Variants in NEO1 observed in about 807,000 individuals in gnomAD.
NEO1 encodes the protein neogenin.
NEO1 carries 63 observed loss-of-function variants against 159.7 expected under a neutral mutation model. The ratio of observed to expected loss-of-function variants is 0.39; its 90% CI spans 0.32 to 0.49. NEO1 has a LOEUF of 0.49. Ranked by LOEUF, NEO1 falls within the 20% of genes least tolerant of loss-of-function variation. NEO1 has a pLI of 0.85. For synonymous variants in NEO1, 633 were observed against 662.0 expected (o/e 0.96, Z 0.67); for missense variants, 1,615 against 1,831.0 (o/e 0.88, Z 2.15).
At chr15:73,177,909 T>C (rs1452205301) in intron 6 of NEO1, among the ~76,000 whole-genome samples, 1 of 152,180 alleles carries the variant, frequency 6.6e-6, no homozygotes, top group Non-Finnish European at 1.5e-5. Context: ...TTCATTTAAT[T>C]TATTGTAGTC....
chr15:73,197,300 A>G (rs2036581623), intron 7 of NEO1, among the ~76,000 whole-genome samples: 1 of 152,168 alleles, frequency 6.6e-6, no homozygotes. Context: ...TGGAGTTTGC[A>G]GTGAGCTGAG....
intron 5 of NEO1, among the ~76,000 whole-genome samples, chr15:73,149,039 A>G (rs1354976510): frequency 1.3e-5 from 2 of 151,992 alleles, no homozygotes; most frequent in Admixed American, 1.3e-4. Context: ...AGTTTTGTCC[A>G]GGGGCCGTAG....
chr15:73,100,191 TA>T lies in NEO1; in HGVS notation c.131-16345del, dbSNP rs369007098. Among the ~76,000 whole-genome samples the T allele has an allele frequency of 1.4e-4, 21 of 152,288 alleles. No individual in the cohort carries two copies. The East Asian group carries it at 2.3e-3, about 17-fold the overall frequency. ...TCGCTTTGTCATCACTCAGGAGCGC[TA>T]AAATATTAAAATAATACCCCAGTCT... On this transcript the variant is annotated intron_variant, in intron 1 of 28. Transcript: ENST00000261908.
chr15:73,068,547 T>G (rs2068355432), intron 1 of NEO1, among the ~76,000 whole-genome samples: 1 of 152,130 alleles, frequency 6.6e-6, no homozygotes, highest in African/African-American at 2.4e-5. Context: ...TCAACATGAG[T>G]GCTGAACCAG....
intron 23 of NEO1, 60 bp from the exon 24 acceptor site, chr15:73,288,253 T>G (rs1466443270): frequency 6.6e-7 from 1 of 1,522,630 alleles, no homozygotes; most frequent in Non-Finnish European, 9.0e-7. Flanking sequence ...CACTCAAGCC[T>G]TTTGACAAAT....
At chr15:73,173,960 C>A (rs946672051) in intron 5 of NEO1, among the ~76,000 whole-genome samples, 2 of 151,758 alleles carry the variant, frequency 1.3e-5, no homozygotes, top group African/African-American at 2.4e-5. Flanking sequence ...ATTAGCCGGA[C>A]GTGGTGGTGC....
chr15:73,293,011 A>G (rs2042215940), intron 25 of NEO1, among the ~76,000 whole-genome samples: 1 of 152,272 alleles, frequency 6.6e-6, no homozygotes, highest in Non-Finnish European at 1.5e-5. Flanking sequence ...ATTTTGTGAC[A>G]TATTCAAATA....
intron 1 of NEO1, among the ~76,000 whole-genome samples, chr15:73,090,631 A>G (rs749236756): frequency 2.0e-5 from 3 of 152,214 alleles, no homozygotes; most frequent in Non-Finnish European, 4.4e-5. Context: ...AATTCTTAAC[A>G]TAAAATTATA....
chr15:73,084,225 A>G (rs2069228650), intron 1 of NEO1, among the ~76,000 whole-genome samples: 1 of 152,106 alleles, frequency 6.6e-6, no homozygotes, highest in Non-Finnish European at 1.5e-5. Context: ...TAACTACACT[A>G]ACCTTATTGT....
chr15:73,262,899 C>T (rs1418889069), intron 15 of NEO1, among the ~76,000 whole-genome samples: 3 of 152,126 alleles, frequency 2.0e-5, no homozygotes. Flanking sequence ...CAAGACACAA[C>T]AGAAATTAAT....
At position 73,168,749 on chromosome 15, in the gene NEO1, C is replaced by CA. The variant is rs557303057; in HGVS notation, c.1016-7653dup. On this transcript the variant is annotated intron_variant, in intron 5 of 28. Coordinates refer to ENST00000261908, the MANE Select transcript of NEO1 (RefSeq NM_002499.4). ...AATGGGAAGCTTTCTCAAGAAATGTCAGAGGATTCAAATATATTCTTGCTT... is the reference window on the plus strand; with the variant it reads ...AATGGGAAGCTTTCTCAAGAAATGTCAAGAGGATTCAAATATATTCTTGCTT... 3.6e-3 allele frequency among the ~76,000 whole-genome samples: 553 copies of CA among 152,244 alleles called. 4 individuals are homozygous for CA. The highest frequency in any genetic ancestry group is 0.013 in the African/African-American group (524 of 41,532).
At chr15:73,179,085 A>G (rs535389554) in intron 7 of NEO1, among the ~76,000 whole-genome samples, 1 of 152,334 alleles carries the variant, frequency 6.6e-6, no homozygotes, top group East Asian at 1.9e-4. Context: ...TTCAGATAAC[A>G]ATGAAAAGTA....
chr15:73,068,231 C>CCCCCCCCCCCCCCCCCG (rs55919404), intron 1 of NEO1, among the ~76,000 whole-genome samples: 5 of 120,558 alleles, frequency 4.1e-5, no homozygotes, highest in Non-Finnish European at 7.0e-5. Context: ...CTACCCCCCC[C>CCCCCCCCCCCCCCCCCG]CCTTTTTTTT....
intron 1 of NEO1, among the ~76,000 whole-genome samples, chr15:73,109,265 G>A (rs554317781): frequency 3.9e-5 from 6 of 152,272 alleles, no homozygotes; most frequent in African/African-American, 1.4e-4. Flanking sequence ...TATTGAGGAC[G>A]TGTTATCTGC....
At chr15:73,116,408 G>T in intron 1 of NEO1, 132 bp from the exon 2 acceptor site, 1 of 679,250 alleles carries the variant, frequency 1.5e-6, no homozygotes, top group Non-Finnish European at 2.2e-6. Context: ...CATTTGTAGT[G>T]AGATGACTAT....
At chr15:73,059,177 A>G (rs1283084496) in intron 1 of NEO1, among the ~76,000 whole-genome samples, 3 of 152,176 alleles carry the variant, frequency 2.0e-5, no homozygotes, top group Non-Finnish European at 4.4e-5. Flanking sequence ...TAAATTGACC[A>G]GGTTACAGAG....
chr15:73,282,818 G>C, intron 22 of NEO1, 146 bp from the exon 23 acceptor site: 1 of 923,948 alleles, frequency 1.1e-6, no homozygotes, highest in Non-Finnish European at 1.6e-6. Flanking sequence ...AGAGAAGAGA[G>C]CCATGTTCAC....
intron 21 of NEO1, among the ~76,000 whole-genome samples, chr15:73,275,811 C>G (rs1185198964): frequency 6.6e-6 from 1 of 152,110 alleles, no homozygotes; most frequent in Non-Finnish European, 1.5e-5. Flanking sequence ...ATTTTTATCT[C>G]TAGGAAGTCA....
At chr15:73,059,490 C>T (rs1032642143) in intron 1 of NEO1, among the ~76,000 whole-genome samples, 8 of 152,026 alleles carry the variant, frequency 5.3e-5, no homozygotes, top group Non-Finnish European at 8.8e-5. Flanking sequence ...TGGTTGCAAA[C>T]GTTTATCTTT....
Sources: gnomAD v4.1 joint callset for allele counts (sites outside exome capture counted in the v4.1 genomes callset) on GRCh38, gnomAD v4.1.1 for gene constraint, MANE v1.5 for transcripts, NCBI Gene and HGNC (gene_info 2026-07-23, HGNC 2026-07-21) for gene names.